The following OR6P1 variants were observed in gnomAD, a reference collection of about 807,000 sequenced individuals.
OR6P1 encodes olfactory receptor family 6 subfamily P member 1, also known as olfactory receptor 6P1.
OR6P1 carries 5 observed loss-of-function variants against 6.6 expected under a neutral mutation model. The ratio of observed to expected loss-of-function variants is 0.76; its 90% CI spans 0.40 to 1.60. The LOEUF (loss-of-function observed/expected upper bound fraction) is 1.60, where lower values mean the gene tolerates loss of function less well. Among genes scored for constraint, OR6P1 ranks in the 40% most tolerant of loss-of-function variants. The probability of loss-of-function intolerance (pLI) is 0.02; values close to 1 mark genes in which losing one functional copy is unlikely to be tolerated. For missense variants in OR6P1, 451 were observed against 383.0 expected, an observed-to-expected ratio of 1.18 and a Z score of -1.48; for synonymous variants, 177 against 149.6, an observed-to-expected ratio of 1.18 and a Z score of -1.33.
At chr1:158,568,424 A>G (rs1008276527) in intron 1 of OR6P1, among the ~76,000 whole-genome samples, 2 of 152,120 alleles carry the variant, frequency 1.3e-5, no homozygotes, top group African/African-American at 4.8e-5. Flanking sequence ...TTAGCCTGCA[A>G]TGTTAGCAGT....
In OR6P1 at chr1:158,562,206, C is replaced by A. The variant is rs1192730304; in HGVS notation, c.*445G>T. The A allele has an allele frequency of 6.4e-6, 1 of 156,434 alleles. No homozygotes were observed. The highest frequency in any genetic ancestry group is 2.4e-5 in the African/African-American group (1 of 41,444). 9.7% of individuals were successfully genotyped at this position (156,434 alleles called of 1,614,324 possible). On this transcript the variant is annotated 3_prime_UTR_variant, in exon 3 of 3. Coordinates refer to ENST00000641540, the MANE Select transcript of OR6P1 (RefSeq NM_001160325.2). ...TTTGAAATTGTTACACTGAAGTCTA[C>A]CAAATTTTTTTCTTGGCATGTCCAC...
At position 158,563,020 on chromosome 1, in the gene OR6P1, T is replaced by C; in HGVS notation, c.585A>G (p.Ala195=). 6.4e-7 allele frequency: 1 copy of C among 1,551,728 alleles called. No individual in the cohort carries two copies. The highest frequency in any genetic ancestry group is 8.7e-7 in the Non-Finnish European group (1 of 1,146,978). The change falls in exon 3 of 3, where the codon GCA becomes GCG. Residue 195 remains alanine, a synonymous_variant. Transcript: ENST00000641540. ...GGGCCAGAAGGAAGTCTACTAGCTCTGCTTGCTCCTTGTCAGAGCAGGTGA... is the reference window on the plus strand; with the variant it reads ...GGGCCAGAAGGAAGTCTACTAGCTCCGCTTGCTCCTTGTCAGAGCAGGTGA... ...LNLTCSDKEQ[A]ELVDFLLALV... is the part of the protein sequence containing the mutation.
chr1:158,564,102 A>T (rs2101716758), intron 2 of OR6P1, among the ~76,000 whole-genome samples: 1 of 152,350 alleles, frequency 6.6e-6, no homozygotes, highest in South Asian at 2.1e-4. Context: ...AATGCAAGGC[A>T]ACACGGCAGT....
chr1:158,561,408 T>C lies in OR6P1; in HGVS notation c.*1243A>G, dbSNP rs901094998. 6.6e-6 allele frequency: 1 copy of C among 152,220 alleles called. No homozygotes were observed. Among genetic ancestry groups the C allele is most frequent in the Non-Finnish European group, 1.5e-5 (1 of 68,038 alleles). The allele number at this position is 152,220 out of a possible 1,614,324, so 9.4% of individuals were successfully genotyped here. A position where few individuals can be genotyped will look rare whatever the true frequency, so the allele number is the denominator to read the frequency against. Reference sequence around the variant, plus strand: ...ATACTGGAAAATCTAAAATGATTGTTGATAAAGTAGCTTGCATTGATGGAC... The same window carrying C: ...ATACTGGAAAATCTAAAATGATTGTCGATAAAGTAGCTTGCATTGATGGAC... On this transcript the variant is annotated 3_prime_UTR_variant, in exon 3 of 3. Coordinates refer to ENST00000641540, the MANE Select transcript of OR6P1 (RefSeq NM_001160325.2).
At chr1:158,569,414 G>A (rs1186834953) in intron 1 of OR6P1, among the ~76,000 whole-genome samples, 1 of 152,168 alleles carries the variant, frequency 6.6e-6, no homozygotes, top group Non-Finnish European at 1.5e-5. Flanking sequence ...GAGACACATT[G>A]GGCAGAGCCC....
At chr1:158,566,488 G>C (rs1162140793) in intron 2 of OR6P1, among the ~76,000 whole-genome samples, 10 of 152,076 alleles carry the variant, frequency 6.6e-5, no homozygotes, top group African/African-American at 2.4e-4. Context: ...ACAAGGTAAG[G>C]GAATTGAGAT....
At chr1:158,565,114 C>G (rs1264561270) in intron 2 of OR6P1, among the ~76,000 whole-genome samples, 2 of 152,136 alleles carry the variant, frequency 1.3e-5, no homozygotes, top group African/African-American at 4.8e-5. Context: ...GTTCTTCAGG[C>G]TGGACTCAAA....
In OR6P1 at chr1:158,562,840, A is replaced by T. The variant is rs1482958947; in HGVS notation, c.765T>A (p.Thr255=). ...LAVVVIYYSS[T]LFTYARPRAM... is the part of the protein sequence containing the mutation. ...CCCGGGGCCGTGCATAGGTGAAGAG[A>T]GTGGAGGAGTAGTAGATAACAACCA... Residue 255 remains threonine (T), a synonymous_variant, in exon 3 of 3, where the codon ACT becomes ACA. Coordinates refer to ENST00000641540, the MANE Select transcript of OR6P1 (RefSeq NM_001160325.2). 14 of 1,551,866 alleles carry T rather than the reference A, an allele frequency of 9.0e-6. No individual in the cohort carries two copies. The highest frequency in any genetic ancestry group is 1.2e-5 in the Non-Finnish European group (14 of 1,147,080).
At chr1:158,568,301 T>G (rs1235322465) in intron 1 of OR6P1, among the ~76,000 whole-genome samples, 2 of 152,186 alleles carry the variant, frequency 1.3e-5, no homozygotes, top group Non-Finnish European at 2.9e-5. Flanking sequence ...TGTTCTTTCT[T>G]TTTGTTTCTT....
chr1:158,565,670 G>A (rs1648078874), intron 2 of OR6P1, among the ~76,000 whole-genome samples: 1 of 151,986 alleles, frequency 6.6e-6, no homozygotes, highest in South Asian at 2.1e-4. Flanking sequence ...TCATAATAAT[G>A]TATATTATGC....
intron 2 of OR6P1, among the ~76,000 whole-genome samples, chr1:158,565,657 A>G (rs769316328): frequency 2.6e-5 from 4 of 152,190 alleles, no homozygotes; most frequent in Non-Finnish European, 5.9e-5. Flanking sequence ...CTGGAAAACT[A>G]TCTCATAATA....
At position 158,569,977 on chromosome 1, in the gene OR6P1, GT is replaced by G. The variant is rs372703224; in HGVS notation, c.-118+464del. Among the ~76,000 whole-genome samples, 529 of 151,232 alleles carry G rather than the reference GT, an allele frequency of 3.5e-3. 1 individual carries two copies. Among genetic ancestry groups the G allele is most frequent in the African/African-American group, 0.012 (508 of 41,274 alleles). On this transcript the variant is annotated intron_variant, in intron 1 of 2. Coordinates refer to ENST00000641540, the MANE Select transcript of OR6P1 (RefSeq NM_001160325.2). ...CAGTCAAATTCATTCAATAGTTTTT[GT>G]TTTTTTTTAAATCTCATTCGAATTC...
chr1:158,568,780 C>G (rs1648160053), intron 1 of OR6P1, among the ~76,000 whole-genome samples: 1 of 152,066 alleles, frequency 6.6e-6, no homozygotes, highest in Admixed American at 6.6e-5. Flanking sequence ...AACAACAAAG[C>G]CTCTGTGAGG....
At position 158,560,758 on chromosome 1, in the gene OR6P1, G is replaced by T. The variant is rs1244913795; in HGVS notation, c.*1893C>A. On this transcript the variant is annotated 3_prime_UTR_variant, in exon 3 of 3. Coordinates refer to ENST00000641540, the MANE Select transcript of OR6P1 (RefSeq NM_001160325.2). The stretch of plus-strand genomic sequence containing the variant: ...AACTTGGAATTTTCAAGCCCTGTAA[G>T]AGCCTATATCACTTGTAACAATTTC... The T allele has an allele frequency of 6.6e-6, 1 of 152,134 alleles. No homozygotes were observed. The highest frequency in any genetic ancestry group is 1.5e-5 in the Non-Finnish European group (1 of 68,016). The allele number at this position is 152,134 out of a possible 1,614,324, so 9.4% of individuals were successfully genotyped here. A position where few individuals can be genotyped will look rare whatever the true frequency, so the allele number is the denominator to read the frequency against.
chr1:158,563,067 C>T lies in OR6P1; in HGVS notation c.538G>A (p.Asp180Asn). 1 of 1,551,688 alleles carries T rather than the reference C, an allele frequency of 6.4e-7. No individual in the cohort carries two copies. The highest frequency in any genetic ancestry group is 8.7e-7 in the Non-Finnish European group (1 of 1,147,028). ...GTGAGGTTGAGTAGTGGGGAAATAT[C>T]ACAGAAAAAGTGGTTGATAATGTTG... ...GPNIINHFFC[D>N]ISPLLNLTCS... The change falls in exon 3 of 3, where the codon GAT becomes AAT. Residue 180 changes from aspartate to asparagine, a missense_variant. Coordinates refer to ENST00000641540, the MANE Select transcript of OR6P1 (RefSeq NM_001160325.2).
intron 1 of OR6P1, among the ~76,000 whole-genome samples, chr1:158,567,652 G>A (rs1648131233): frequency 7.2e-6 from 1 of 139,172 alleles, no homozygotes. Context: ...TGTGGGTTGG[G>A]GGAGGGGGGA....
rs1478752522 is a variant in OR6P1, at chr1:158,563,532, G to C, written c.73C>G (p.Leu25Val). The C allele has an allele frequency of 6.4e-7, 1 of 1,551,358 alleles. No homozygotes were observed. Among genetic ancestry groups the C allele is most frequent in the Non-Finnish European group, 8.7e-7 (1 of 1,146,894 alleles). The change falls in exon 3 of 3, where the codon CTG (leucine) becomes GTG (valine). Residue 25 changes from leucine to valine, a missense_variant. Coordinates refer to ENST00000641540, the MANE Select transcript of OR6P1 (RefSeq NM_001160325.2). The stretch of plus-strand genomic sequence containing the variant: ...GCAAAAAAAAGGACAAAGAGGAGCA[G>C]CTGGAGGGGAGGCGTGGTAGGGAAA... The part of the protein sequence containing the change: ...VGFPTTPPLQ[L>V]LLFVLFFAIY...
chr1:158,568,142 CT>C, intron 1 of OR6P1, among the ~76,000 whole-genome samples: 1 of 152,264 alleles, frequency 6.6e-6, no homozygotes, highest in East Asian at 1.9e-4. Context: ...CAGAAATTGT[CT>C]GTTCTTTTAT....
chr1:158,569,505 C>T (rs1419980618), intron 1 of OR6P1, among the ~76,000 whole-genome samples: 2 of 152,176 alleles, frequency 1.3e-5, no homozygotes, highest in African/African-American at 4.8e-5. Flanking sequence ...CATTTATCAT[C>T]ACAAATTGAA....
Sources: gnomAD v4.1 joint callset for allele counts (sites outside exome capture counted in the v4.1 genomes callset) on GRCh38, gnomAD v4.1.1 for gene constraint, MANE v1.5 for transcripts, NCBI Gene and HGNC (gene_info 2026-07-23, HGNC 2026-07-21) for gene names.